WDPCP: variants seen among roughly 807,000 people sequenced by gnomAD.
The protein encoded by WDPCP is WD repeat-containing and planar cell polarity effector protein fritz homolog.
A neutral mutation model predicts 93.1 loss-of-function variants in WDPCP; 71 were observed. That is an observed-to-expected ratio of 0.76 (90% confidence interval 0.63 to 0.93). The LOEUF (loss-of-function observed/expected upper bound fraction) is 0.93. WDPCP is among the 40% of genes least tolerant of loss of function. WDPCP has a pLI of 0.00. For synonymous variants in WDPCP, 315 were observed against 315.0 expected (o/e 1.00, Z 0.00); for missense variants, 844 against 887.4 (o/e 0.95, Z 0.62).
intron 12 of WDPCP, among the ~76,000 whole-genome samples, chr2:63,332,400 G>A (rs1688043836): frequency 6.6e-6 from 1 of 151,908 alleles, no homozygotes; most frequent in African/African-American, 2.4e-5. Context: ...CCAGCACTTG[G>A]TATTGTCTTT....
At chr2:63,767,081 T>A (rs1055569203) in intron 2 of WDPCP, among the ~76,000 whole-genome samples, 2 of 152,176 alleles carry the variant, frequency 1.3e-5, no homozygotes, top group Non-Finnish European at 2.9e-5. Flanking sequence ...TAGAATTTCA[T>A]ACAAATGGAG....
intron 14 of WDPCP, among the ~76,000 whole-genome samples, chr2:63,238,368 ACTGGG>A (rs1679580729): frequency 6.6e-6 from 1 of 152,148 alleles, no homozygotes; most frequent in Non-Finnish European, 1.5e-5. Flanking sequence ...GGCTCATGTG[ACTGGG>A]GAACTACATT....
At chr2:63,246,983 A>T (rs1178471643) in intron 14 of WDPCP, among the ~76,000 whole-genome samples, 6 of 152,314 alleles carry the variant, frequency 3.9e-5, no homozygotes, top group Middle Eastern at 3.4e-3. Context: ...AAAATGTGTG[A>T]TGGGCTTATT....
intron 2 of WDPCP, among the ~76,000 whole-genome samples, chr2:63,786,098 GGC>G (rs1670464210): frequency 1.3e-5 from 2 of 152,092 alleles, no homozygotes; most frequent in Non-Finnish European, 2.9e-5. Flanking sequence ...GGAGTGCAGT[GGC>G]GCAATCACAG....
intron 3 of WDPCP, chr2:63,607,068 G>A: frequency 7.5e-7 from 1 of 1,332,252 alleles, no homozygotes; most frequent in Non-Finnish European, 1.0e-6. Flanking sequence ...TAATAATAAT[G>A]CTATACTTAA....
At chr2:63,170,028 G>C (rs1673268810) in intron 15 of WDPCP, among the ~76,000 whole-genome samples, 1 of 151,282 alleles carries the variant, frequency 6.6e-6, no homozygotes, top group Non-Finnish European at 1.5e-5. Context: ...AAGTAGCTGG[G>C]ACTGCAGGCG....
chr2:63,623,031 C>A (rs114722125), intron 3 of WDPCP, among the ~76,000 whole-genome samples: 2 of 152,322 alleles, frequency 1.3e-5, no homozygotes, highest in African/African-American at 4.8e-5. Flanking sequence ...CGCAGCCCCG[C>A]TCAACATTCT....
intron 1 of WDPCP, among the ~76,000 whole-genome samples, chr2:63,516,106 A>C (rs1702537646): frequency 6.6e-6 from 1 of 152,002 alleles, no homozygotes; most frequent in African/African-American, 2.4e-5. Context: ...CTATATTTTT[A>C]ACACAAATCT....
chr2:63,504,634 T>A (rs537359539), intron 1 of WDPCP, among the ~76,000 whole-genome samples: 1 of 152,164 alleles, frequency 6.6e-6, no homozygotes, highest in Admixed American at 6.5e-5. Flanking sequence ...GCCTAAATGC[T>A]GTGCTAAATG....
chr2:63,191,281 A>G (rs1675022348), intron 14 of WDPCP, among the ~76,000 whole-genome samples: 1 of 152,184 alleles, frequency 6.6e-6, no homozygotes, highest in Non-Finnish European at 1.5e-5. Context: ...AGTCCCAGCT[A>G]CTTGGGAGGC....
rs1558887438 is a variant in WDPCP, at chr2:63,700,300, AAAAC to A, written n.309-49466_309-49463del. 8.8e-4 allele frequency among the ~76,000 whole-genome samples: 90 copies of A among 102,708 alleles called. 1 individual carries two copies. Among genetic ancestry groups the A allele is most frequent in the African/African-American group, 2.8e-3 (86 of 30,546 alleles). 67.4% of individuals were successfully genotyped at this position (102,708 alleles called of 152,430 possible). A position where few individuals can be genotyped will look rare whatever the true frequency, so the allele number is the denominator to read the frequency against. On this transcript the variant is annotated intron_variant and non_coding_transcript_variant, in intron 2 of 4. Coordinates refer to the WDPCP transcript ENST00000467687. ...CCTGTCTCAAAAAAAAAAAAAAAAA[AAAAC>A]AAAAAGAAAAAAAGAAAAAAATGCT...
At chr2:63,757,945 C>G (rs1244233833) in intron 2 of WDPCP, among the ~76,000 whole-genome samples, 1 of 152,114 alleles carries the variant, frequency 6.6e-6, no homozygotes, top group Admixed American at 6.6e-5. Flanking sequence ...TGTGATCAAG[C>G]CTCTGTGATA....
At chr2:63,455,296 A>T (rs1456952881) in intron 6 of WDPCP, among the ~76,000 whole-genome samples, 1 of 152,060 alleles carries the variant, frequency 6.6e-6, no homozygotes, top group Non-Finnish European at 1.5e-5. Context: ...TCAGCAATAA[A>T]TCTGAATGTA....
Position 63,143,806 on chromosome 2 carries a change from C to T in WDPCP, c.2190+9108G>A, listed in dbSNP as rs561387761. Among the ~76,000 whole-genome samples, 11 of 152,334 alleles carry T rather than the reference C, an allele frequency of 7.2e-5. No individual in the cohort carries two copies. The South Asian group carries it at 1.9e-3, about 26-fold the overall frequency. On this transcript the variant is annotated intron_variant, in intron 17 of 17. Transcript: ENST00000272321. ...GCTTGTAGGGGTTCTGCTGAGAAAT[C>T]TGCTGTTAATCTGATAGGTTTTCCT... is the stretch of plus-strand genomic sequence containing the variant.
chr2:63,787,970 C>T (rs1199448483), intron 2 of WDPCP, among the ~76,000 whole-genome samples: 8 of 151,878 alleles, frequency 5.3e-5, no homozygotes, highest in Admixed American at 6.6e-5. Flanking sequence ...AACTGGGAGG[C>T]GGAGGTTGCA....
chr2:63,471,358 C>G (rs1186793783), intron 6 of WDPCP, among the ~76,000 whole-genome samples: 1 of 152,192 alleles, frequency 6.6e-6, no homozygotes, highest in East Asian at 1.9e-4. Flanking sequence ...AAGTTATAAC[C>G]CAATTCTTGG....
At chr2:63,345,212 G>A (rs1400126181) in intron 12 of WDPCP, among the ~76,000 whole-genome samples, 2 of 152,100 alleles carry the variant, frequency 1.3e-5, no homozygotes, top group Admixed American at 6.6e-5. Flanking sequence ...AGCCCCAGTT[G>A]CTGCATTCTG....
chr2:63,336,688 C>T, intron 12 of WDPCP, among the ~76,000 whole-genome samples: 1 of 151,898 alleles, frequency 6.6e-6, no homozygotes, highest in Non-Finnish European at 1.5e-5. Flanking sequence ...TAAATCTACC[C>T]ATTAGGTTGA....
intron 7 of WDPCP, chr2:63,437,927 T>A: frequency 1.3e-6 from 2 of 1,561,740 alleles, no homozygotes; most frequent in Non-Finnish European, 1.7e-6. Flanking sequence ...GTTTACATGA[T>A]AGAAACCATC....
Sources: gnomAD v4.1 joint callset for allele counts (sites outside exome capture counted in the v4.1 genomes callset) on GRCh38, gnomAD v4.1.1 for gene constraint, MANE v1.5 for transcripts, NCBI Gene and HGNC (gene_info 2026-07-23, HGNC 2026-07-21) for gene names.